Variants in CFAP54 observed in about 807,000 individuals in gnomAD.
CFAP54 encodes the protein cilia- and flagella-associated protein 54.
A neutral mutation model predicts 370.4 loss-of-function variants in CFAP54; 290 were observed. The observed-to-expected ratio is 0.78, with a 90% confidence interval of 0.71 to 0.86. The LOEUF is 0.86. CFAP54 is among the 40% of genes least tolerant of loss of function. The pLI, the probability that CFAP54 is intolerant of heterozygous loss-of-function variation, is 0.00. For missense variants in CFAP54, 3,399 were observed against 3,528.7 expected (o/e 0.96, Z 0.93); for synonymous variants, 1,206 against 1,236.5 (o/e 0.98, Z 0.52).
chr12:96,684,333 A>G (rs967805993), intron 40 of CFAP54, among the ~76,000 whole-genome samples: 1 of 152,092 alleles, frequency 6.6e-6, no homozygotes, highest in African/African-American at 2.4e-5. Flanking sequence ...TCATTCCTAT[A>G]CATACCCAGC....
intron 17 of CFAP54, among the ~76,000 whole-genome samples, chr12:96,557,002 G>T (rs1467509816): frequency 6.6e-6 from 1 of 152,148 alleles, no homozygotes; most frequent in Non-Finnish European, 1.5e-5. Context: ...AAACTCCCAT[G>T]ACATGAGTTT....
At chr12:96,530,239 C>G (rs1307047159) in intron 9 of CFAP54, among the ~76,000 whole-genome samples, 1 of 152,220 alleles carries the variant, frequency 6.6e-6, no homozygotes, top group Non-Finnish European at 1.5e-5. Flanking sequence ...CCTGTAACCC[C>G]AGCCCTTTGG....
At chr12:96,512,903 A>T in intron 4 of CFAP54, 83 bp from the exon 5 acceptor site, 1 of 835,892 alleles carries the variant, frequency 1.2e-6, no homozygotes, top group Non-Finnish European at 1.8e-6. Context: ...TTTGGGAACT[A>T]CAGACTTGAA....
intron 67 of CFAP54, among the ~76,000 whole-genome samples, chr12:96,868,773 GC>G (rs1960074355): frequency 6.6e-6 from 1 of 152,046 alleles, no homozygotes; most frequent in Non-Finnish European, 1.5e-5. Flanking sequence ...TTTTTAACGT[GC>G]CATTCATCCT....
intron 57 of CFAP54, among the ~76,000 whole-genome samples, chr12:96,757,097 A>G (rs1022958760): frequency 1.3e-5 from 2 of 152,078 alleles, no homozygotes; most frequent in African/African-American, 4.8e-5. Flanking sequence ...GCATAACTCT[A>G]TGTATTTCTT....
In CFAP54 at chr12:96,765,165, TC is replaced by T; in HGVS notation, c.8231del (p.Pro2744GlnfsTer71). 1 of 1,542,122 alleles carries T rather than the reference TC, an allele frequency of 6.5e-7. No individual in the cohort carries two copies. Among genetic ancestry groups the T allele is most frequent in the South Asian group, 1.3e-5 (1 of 78,396 alleles). On this transcript the variant is annotated frameshift_variant, in exon 60 of 68. Transcript: ENST00000524981. LOFTEE classifies it high-confidence loss of function. ...GTTAACCAAGTGGCATTACCAAATA[TC>T]CCAGAATTTGCTGCTCTGGATCTTT... ...HKVNQVALPN[I>X]PEFAALDLLS...
chr12:96,585,127 T>C lies in CFAP54; in HGVS notation c.3075+4022T>C, dbSNP rs1169712435. Among the ~76,000 whole-genome samples, 13 of 151,796 alleles carry C rather than the reference T, an allele frequency of 8.6e-5. No homozygotes were observed. In the East Asian group the frequency reaches 2.5e-3, roughly 29 times the overall value. On this transcript the variant is annotated intron_variant, in intron 22 of 67. Coordinates refer to ENST00000524981, the MANE Select transcript of CFAP54 (RefSeq NM_001306084.2). ...TTTTCGATGTTTGACAACTGACTTG[T>C]GACTTGTTTTTATTTTTTTGACTTC...
intron 39 of CFAP54, among the ~76,000 whole-genome samples, chr12:96,668,357 A>G (rs1413339070): frequency 6.6e-6 from 1 of 152,190 alleles, no homozygotes; most frequent in Non-Finnish European, 1.5e-5. Flanking sequence ...CCAAGACTGG[A>G]TAATTTATAA....
At chr12:96,694,400 C>A (rs894849434) in intron 45 of CFAP54, among the ~76,000 whole-genome samples, 1 of 151,946 alleles carries the variant, frequency 6.6e-6, no homozygotes, top group African/African-American at 2.4e-5. Flanking sequence ...TTGTTTTGTA[C>A]GTGGATAATC....
intron 17 of CFAP54, among the ~76,000 whole-genome samples, chr12:96,564,136 G>A (rs995826560): frequency 6.6e-6 from 1 of 152,150 alleles, no homozygotes; most frequent in Non-Finnish European, 1.5e-5. Flanking sequence ...TTGGTATCAG[G>A]ACTTGCCATC....
intron 63 of CFAP54, among the ~76,000 whole-genome samples, chr12:96,805,583 A>AAC (rs1958869498): frequency 6.6e-6 from 1 of 151,760 alleles, no homozygotes; most frequent in Admixed American, 6.6e-5. Context: ...AAAAAAAAAA[A>AAC]AACCAGATAT....
chr12:96,507,333 T>C (rs1420991567), intron 4 of CFAP54, among the ~76,000 whole-genome samples: 1 of 152,186 alleles, frequency 6.6e-6, no homozygotes, highest in African/African-American at 2.4e-5. Flanking sequence ...TAATCACTGT[T>C]GGGTGTTCAA....
At chr12:96,828,043 T>TA (rs1959145277) in intron 65 of CFAP54, among the ~76,000 whole-genome samples, 1 of 127,602 alleles carries the variant, frequency 7.8e-6, no homozygotes, top group Non-Finnish European at 1.6e-5. Context: ...TAATATATAA[T>TA]TATATATTAA....
chr12:96,506,914 C>A lies in CFAP54; in HGVS notation c.568-14C>A, dbSNP rs1955107553. Reference sequence around the variant, plus strand: ...TTATTTCTATTTCTATTTCTATTTTCCCATGTGTTTCAGTTTCATGCTTTG... The same window carrying A: ...TTATTTCTATTTCTATTTCTATTTTACCATGTGTTTCAGTTTCATGCTTTG... On this transcript the variant is annotated splice_polypyrimidine_tract_variant and intron_variant, in intron 3 of 67. Coordinates refer to ENST00000524981, the MANE Select transcript of CFAP54 (RefSeq NM_001306084.2). 2.0e-6 allele frequency: 3 copies of A among 1,524,080 alleles called. No individual in the cohort carries two copies. The highest frequency in any genetic ancestry group is 2.6e-6 in the Non-Finnish European group (3 of 1,141,654). The allele number at this position is 1,524,080 out of a possible 1,614,324, so 94.4% of individuals were successfully genotyped here.
In CFAP54 at chr12:96,790,058, C is replaced by T. The variant is rs540247789; in HGVS notation, c.8680-2271C>T. 5.9e-5 allele frequency among the ~76,000 whole-genome samples: 9 copies of T among 152,226 alleles called. No homozygotes were observed. The East Asian group carries it at 9.6e-4, about 16-fold the overall frequency. ...TGCCTTTCCAGAACAATCATTGCTC[C>T]GTGTTGTGCTCATCAGTTGTGTGAT... On this transcript the variant is annotated intron_variant, in intron 62 of 67. Transcript: ENST00000524981.
intron 46 of CFAP54, among the ~76,000 whole-genome samples, chr12:96,700,956 T>G (rs1957485310): frequency 6.6e-6 from 1 of 152,176 alleles, no homozygotes; most frequent in Non-Finnish European, 1.5e-5. Flanking sequence ...ACCACTAGCA[T>G]AAGCTGACAT....
chr12:96,794,050 G>A (rs1958732079), intron 63 of CFAP54, among the ~76,000 whole-genome samples: 2 of 152,168 alleles, frequency 1.3e-5, no homozygotes, highest in Admixed American at 1.3e-4. Context: ...GTTTAAGGAG[G>A]CTAAAGATAA....
chr12:96,869,211 T>A (rs947414597), intron 67 of CFAP54, among the ~76,000 whole-genome samples: 2 of 152,244 alleles, frequency 1.3e-5, no homozygotes, highest in Admixed American at 1.3e-4. Context: ...ACAGTTTAAT[T>A]TTTGTTCGAG....
At chr12:96,827,889 A>T (rs111204912) in intron 65 of CFAP54, among the ~76,000 whole-genome samples, 3 of 113,244 alleles carry the variant, frequency 2.6e-5, no homozygotes, top group South Asian at 2.4e-4. Flanking sequence ...GTTATATATA[A>T]TATATAATTA....
Sources: gnomAD v4.1 joint callset for allele counts (sites outside exome capture counted in the v4.1 genomes callset) on GRCh38, gnomAD v4.1.1 for gene constraint, MANE v1.5 for transcripts, NCBI Gene and HGNC (gene_info 2026-07-23, HGNC 2026-07-21) for gene names.